ZPLD1: variants seen among roughly 807,000 people sequenced by gnomAD.
The protein encoded by ZPLD1 is zona pellucida like domain containing 1.
ZPLD1 carries 34 observed loss-of-function variants against 47.2 expected under a neutral mutation model. The ratio of observed to expected loss-of-function variants is 0.72; its 90% confidence interval spans 0.55 to 0.96. ZPLD1 has a LOEUF of 0.96. Ranked by LOEUF, ZPLD1 falls within the 40% of genes least tolerant of loss-of-function variation. The pLI is 0.00. For missense variants in ZPLD1, 512 were observed against 505.8 expected, an observed-to-expected ratio of 1.01 and a Z score of -0.12; for synonymous variants, 176 against 186.2, an observed-to-expected ratio of 0.95 and a Z score of 0.45.
At chr3:102,388,715 CA>C (rs896914881) in intron 6 of ZPLD1, among the ~76,000 whole-genome samples, 1 of 152,026 alleles carries the variant, frequency 6.6e-6, no homozygotes, top group Non-Finnish European at 1.5e-5. Context: ...TAGTTCTCTG[CA>C]CAGTGGTTTT....
At position 102,411,718 on chromosome 3, in the gene ZPLD1, C is replaced by A. The variant is rs114760055; in HGVS notation, c.-156-6342C>A. ...TATTGTGAATAAATATAATTTCTTT[C>A]ATTTTGGGTATGGACAAATAAAAAC... On this transcript the variant is annotated intron_variant, in intron 7 of 17. Coordinates refer to the ZPLD1 transcript ENST00000491959. 9.5e-3 allele frequency among the ~76,000 whole-genome samples: 1,449 copies of A among 151,740 alleles called. 23 individuals carry two copies. The highest frequency in any genetic ancestry group is 0.033 in the African/African-American group (1,377 of 41,446).
At chr3:102,469,242 C>G (rs555980441) in intron 9 of ZPLD1, 107 bp downstream of exon 9, 1 of 1,189,974 alleles carries the variant, frequency 8.4e-7, no homozygotes, top group Non-Finnish European at 1.2e-6. Flanking sequence ...TGTGTTAGAT[C>G]AAATAGTTTG....
In ZPLD1 at chr3:102,407,299, A is replaced by G. The variant is rs947594305; in HGVS notation, c.-156-10761A>G. ...TACAGATAAGTTATTCAATATTTAT[A>G]TAAAATAAATCTCAAATCTCACCAA... On this transcript the variant is annotated intron_variant, in intron 7 of 17. Transcript: ENST00000491959. 2.0e-5 allele frequency among the ~76,000 whole-genome samples: 3 copies of G among 149,052 alleles called. No homozygotes were observed. The East Asian group carries it at 6.0e-4, about 30-fold the overall frequency.
chr3:102,430,607 C>T (rs1212377934), upstream of ZPLD1, among the ~76,000 whole-genome samples: 1 of 152,056 alleles, frequency 6.6e-6, no homozygotes, highest in Non-Finnish European at 1.5e-5. Context: ...GGAAAAAGAG[C>T]TGTTTTATTC....
chr3:102,440,728 T>TG (rs200947961), intron 3 of ZPLD1, among the ~76,000 whole-genome samples: 35 of 128,864 alleles, frequency 2.7e-4, no homozygotes, highest in South Asian at 7.2e-4. Flanking sequence ...CTTTTGTGAT[T>TG]GGGAAAAAAA....
rs1707361224 is a variant in ZPLD1 at position 102,453,009 on chromosome 3, C to T, written c.197C>T (p.Thr66Ile). 1.2e-6 allele frequency: 2 copies of T among 1,613,972 alleles called. No homozygotes were observed. Among genetic ancestry groups the T allele is most frequent in the Non-Finnish European group, 1.7e-6 (2 of 1,179,992 alleles). Residue 66 changes from threonine (T) to isoleucine (I), a missense_variant, in exon 4 of 12, where the codon ACA (threonine) becomes ATA (isoleucine). Physicochemically the swap from Thr to Ile is moderately conservative, Grantham distance 89 (BLOSUM62 -1). Transcript: ENST00000466937. ...CTVLFSGYSETDLALNGRHGD... is the reference protein window; with the variant it reads ...CTVLFSGYSEIDLALNGRHGD... Reference sequence around the variant, plus strand: ...GTACTTTTCTCGGGTTATTCGGAAACAGATCTGGCACTGAATGGAAGGCAT... The same window carrying T: ...GTACTTTTCTCGGGTTATTCGGAAATAGATCTGGCACTGAATGGAAGGCAT...
chr3:102,397,644 C>G (rs1261823087), intron 7 of ZPLD1, among the ~76,000 whole-genome samples: 2 of 152,100 alleles, frequency 1.3e-5, no homozygotes, highest in Non-Finnish European at 2.9e-5. Context: ...GAAGGTGCCT[C>G]TCTAGGACAG....
At chr3:102,400,102 A>G (rs1316450334) in intron 7 of ZPLD1, among the ~76,000 whole-genome samples, 1 of 152,012 alleles carries the variant, frequency 6.6e-6, no homozygotes, top group Admixed American at 6.6e-5. Context: ...TACAGGAGTG[A>G]GCCACCACGC....
intron 7 of ZPLD1, among the ~76,000 whole-genome samples, chr3:102,399,937 G>A (rs928710793): frequency 1.3e-5 from 2 of 151,994 alleles, no homozygotes; most frequent in Non-Finnish European, 2.9e-5. Context: ...TCGTGCCTCA[G>A]TATCCTGAGT....
chr3:102,451,659 T>A (rs1388681750), intron 3 of ZPLD1, among the ~76,000 whole-genome samples: 1 of 152,176 alleles, frequency 6.6e-6, no homozygotes, highest in Non-Finnish European at 1.5e-5. Flanking sequence ...GGCAGGGCCA[T>A]GCTCCCTCTG....
intron 8 of ZPLD1, among the ~76,000 whole-genome samples, chr3:102,468,607 A>G (rs567415931): frequency 6.6e-6 from 1 of 152,214 alleles, no homozygotes; most frequent in Non-Finnish European, 1.5e-5. Context: ...TTCTATTTTC[A>G]TATACCCTGG....
intron 8 of ZPLD1, among the ~76,000 whole-genome samples, chr3:102,465,237 G>A (rs1707572969): frequency 1.3e-5 from 2 of 151,998 alleles, no homozygotes; most frequent in Admixed American, 6.6e-5. Flanking sequence ...GTAAAACATG[G>A]GAACAAATTA....
At chr3:102,442,989 T>G (rs1178584533) in intron 3 of ZPLD1, among the ~76,000 whole-genome samples, 1 of 152,120 alleles carries the variant, frequency 6.6e-6, no homozygotes, top group Non-Finnish European at 1.5e-5. Context: ...TACCAAGGAA[T>G]TATTTGGTTA....
upstream of ZPLD1, among the ~76,000 whole-genome samples, chr3:102,433,350 T>C (rs754415089): frequency 8.5e-5 from 13 of 152,324 alleles, no homozygotes; most frequent in Non-Finnish European, 1.6e-4. Context: ...TGCTTAGCAT[T>C]GGGCAAATTA....
Position 102,471,048 on chromosome 3 carries a change from A to T in ZPLD1, c.1042+546A>T, listed in dbSNP as rs562407297. Among the ~76,000 whole-genome samples, 21 of 152,282 alleles carry T rather than the reference A, an allele frequency of 1.4e-4. No homozygotes were observed. The South Asian group carries it at 1.9e-3, about 14-fold the overall frequency. On this transcript the variant is annotated intron_variant, in intron 10 of 11. Transcript: ENST00000466937. ...CACCTTGGCCTCCCAAAGTGCTGGG[A>T]TTACAGGCGTGATCCCAGCTCATGC...
At chr3:102,401,011 C>A (rs569646912) in intron 7 of ZPLD1, among the ~76,000 whole-genome samples, 1 of 152,146 alleles carries the variant, frequency 6.6e-6, no homozygotes, top group Non-Finnish European at 1.5e-5. Flanking sequence ...ATTTTCTAAC[C>A]CATTGCACCC....
chr3:102,391,016 A>T (rs1298628805), intron 6 of ZPLD1, among the ~76,000 whole-genome samples: 1 of 152,164 alleles, frequency 6.6e-6, no homozygotes, highest in African/African-American at 2.4e-5. Context: ...TTAGAAAATT[A>T]TCCAGAAAGG....
chr3:102,411,867 T>C (rs139858098), intron 7 of ZPLD1, among the ~76,000 whole-genome samples: 1 of 151,790 alleles, frequency 6.6e-6, no homozygotes, highest in Non-Finnish European at 1.5e-5. Context: ...TCTCTGTCGA[T>C]CTCAATGTCT....
chr3:102,455,797 AG>A, intron 4 of ZPLD1, among the ~76,000 whole-genome samples: 1 of 152,250 alleles, frequency 6.6e-6, no homozygotes, highest in Middle Eastern at 3.4e-3. Context: ...GAAAGTGGGG[AG>A]AGTGACAGCA....
Sources: gnomAD v4.1 joint callset for allele counts (sites outside exome capture counted in the v4.1 genomes callset) on GRCh38, gnomAD v4.1.1 for gene constraint, MANE v1.5 for transcripts, NCBI Gene and HGNC (gene_info 2026-07-23, HGNC 2026-07-21) for gene names.